UGT3A2: variants seen among roughly 807,000 people sequenced by gnomAD.
The protein encoded by UGT3A2 is UDP glycosyltransferase family 3 member A2, also known as UDP-glycosyltransferase 3A2.
UGT3A2 carries 32 observed loss-of-function variants against 39.8 expected under a neutral mutation model. The observed-to-expected ratio is 0.80, with a 90% confidence interval of 0.61 to 1.08. The LOEUF (loss-of-function observed/expected upper bound fraction) is 1.08, where lower values mean the gene tolerates loss of function less well. Ranked by LOEUF, UGT3A2 falls within the 50% of genes least tolerant of loss-of-function variation. UGT3A2 has a pLI of 0.00. For synonymous variants in UGT3A2, 241 were observed against 230.7 expected (o/e 1.04, Z -0.40); for missense variants, 611 against 637.1 (o/e 0.96, Z 0.44).
intron 4 of UGT3A2, among the ~76,000 whole-genome samples, chr5:36,041,962 C>T (rs1045815096): frequency 6.6e-6 from 1 of 151,910 alleles, no homozygotes; most frequent in East Asian, 1.9e-4. Flanking sequence ...CTTTCAGACA[C>T]GGAATTCAAA....
At position 36,035,086 on chromosome 5, in the gene UGT3A2, C is replaced by G. The variant is rs1220744514; in HGVS notation, c.*612G>C. ...AGGAAATCTGGAAACCTACAGTCTC[C>G]AAGCCTGCTCAGCCAAGAAGGAGCT... On this transcript the variant is annotated 3_prime_UTR_variant, in exon 7 of 7. Coordinates refer to ENST00000282507, the MANE Select transcript of UGT3A2 (RefSeq NM_174914.4). The G allele has an allele frequency of 6.5e-6, 1 of 153,774 alleles. No homozygotes were observed. Among genetic ancestry groups the G allele is most frequent in the Non-Finnish European group, 1.4e-5 (1 of 69,052 alleles). 9.5% of individuals were successfully genotyped at this position (153,774 alleles called of 1,614,324 possible). A position where few individuals can be genotyped will look rare whatever the true frequency, so the allele number is the denominator to read the frequency against.
intron 2 of UGT3A2, among the ~76,000 whole-genome samples, chr5:36,060,404 G>A (rs901644317): frequency 1.3e-5 from 2 of 152,130 alleles, no homozygotes; most frequent in South Asian, 2.1e-4. Context: ...AAGGAATGCT[G>A]AGGGCAGTCA....
At chr5:36,054,186 G>A (rs148173882) in intron 2 of UGT3A2, among the ~76,000 whole-genome samples, 83 of 152,274 alleles carry the variant, frequency 5.5e-4, no homozygotes, top group Admixed American at 3.5e-3. Context: ...CATTTAAACT[G>A]GATTCACCTG....
At chr5:36,066,578 C>CGCAA in intron 1 of UGT3A2, 118 bp downstream of exon 1, 1 of 1,559,734 alleles carries the variant, frequency 6.4e-7, no homozygotes, top group Non-Finnish European at 8.8e-7. Context: ...CAGCCGGGTC[C>CGCAA]GCAAGCCCAG....
intron 2 of UGT3A2, 123 bp from the exon 3 acceptor site, chr5:36,052,107 A>G (rs1561494411): frequency 6.2e-6 from 4 of 646,272 alleles, no homozygotes; most frequent in South Asian, 2.2e-5. Flanking sequence ...TGCTTCAAGT[A>G]TTTTTTAATG....
chr5:36,063,440 G>A (rs182930547), intron 2 of UGT3A2, among the ~76,000 whole-genome samples: 254 of 152,210 alleles, frequency 1.7e-3, no homozygotes, highest in African/African-American at 6.0e-3. Context: ...GCACAAACTC[G>A]TGGGCAGCCA....
rs549327741 is a variant in UGT3A2, at chr5:36,058,250, C to A, written c.196+5999G>T. ...ATGAATGAACCTTGAAGATATTATG[C>A]TAAATAAAGCAAGCCAGACACAAAA... On this transcript the variant is annotated intron_variant, in intron 2 of 6. Transcript: ENST00000282507. Among the ~76,000 whole-genome samples, 11 of 152,186 alleles carry A rather than the reference C, an allele frequency of 7.2e-5. No homozygotes were observed. In the East Asian group the frequency reaches 2.1e-3, roughly 29 times the overall value.
Position 36,051,999 on chromosome 5 carries a change from A to G in UGT3A2, c.197-15T>C, listed in dbSNP as rs746233387. On this transcript the variant is annotated splice_polypyrimidine_tract_variant and intron_variant, in intron 2 of 6. Transcript: ENST00000282507. ...CTTTTTAAAATCTAAGAAAACAGCAACGGGTTAAAAAAAAAGTTAAATATG... is the reference window on the plus strand; with the variant it reads ...CTTTTTAAAATCTAAGAAAACAGCAGCGGGTTAAAAAAAAAGTTAAATATG... The G allele has an allele frequency of 6.6e-7, 1 of 1,524,494 alleles. No individual in the cohort carries two copies. The highest frequency in any genetic ancestry group is 8.8e-7 in the Non-Finnish European group (1 of 1,132,122). 94.4% of individuals were successfully genotyped at this position (1,524,494 alleles called of 1,614,324 possible).
chr5:36,060,196 C>T (rs1353711115), intron 2 of UGT3A2, among the ~76,000 whole-genome samples: 2 of 152,226 alleles, frequency 1.3e-5, no homozygotes, highest in African/African-American at 2.4e-5. Context: ...GACCACCAAC[C>T]AGCAATTGAG....
In UGT3A2 at chr5:36,055,800, T is replaced by C. The variant is rs934371373; in HGVS notation, c.197-3816A>G. Reference sequence around the variant, plus strand: ...TTTCCTTTTCATTTCAACCTGTTTATTTTGAACAAGAATAAATATCCTTTC... The same window carrying C: ...TTTCCTTTTCATTTCAACCTGTTTACTTTGAACAAGAATAAATATCCTTTC... On this transcript the variant is annotated intron_variant, in intron 2 of 6. Transcript: ENST00000282507. Among the ~76,000 whole-genome samples, 17 of 152,248 alleles carry C rather than the reference T, an allele frequency of 1.1e-4. 1 individual carries two copies. Among genetic ancestry groups the C allele is most frequent in the African/African-American group, 3.6e-4 (15 of 41,468 alleles).
intron 4 of UGT3A2, among the ~76,000 whole-genome samples, chr5:36,041,193 C>T (rs1480196968): frequency 6.6e-6 from 1 of 151,926 alleles, no homozygotes; most frequent in South Asian, 2.1e-4. Flanking sequence ...TGGCCATGGG[C>T]GAGACTCCTG....
chr5:36,047,812 A>G (rs1434329672), intron 4 of UGT3A2, among the ~76,000 whole-genome samples: 1 of 152,120 alleles, frequency 6.6e-6, no homozygotes, highest in African/African-American at 2.4e-5. Flanking sequence ...TACTCATGCA[A>G]TTGAACCTTC....
At position 36,051,557 on chromosome 5, in the gene UGT3A2, T is replaced by C. The variant is rs78118143; in HGVS notation, c.311+313A>G. Reference sequence around the variant, plus strand: ...ATAGGCAATTGTTGTAGGTGAAGTGTTGCAAGGAAGTCCCAGAAGAAACAA... The same window carrying C: ...ATAGGCAATTGTTGTAGGTGAAGTGCTGCAAGGAAGTCCCAGAAGAAACAA... On this transcript the variant is annotated intron_variant, in intron 3 of 6. Coordinates refer to ENST00000282507, the MANE Select transcript of UGT3A2 (RefSeq NM_174914.4). Among the ~76,000 whole-genome samples, 229 of 152,300 alleles carry C rather than the reference T, an allele frequency of 1.5e-3. 1 individual carries two copies. The highest frequency in any genetic ancestry group is 5.4e-3 in the African/African-American group (225 of 41,526).
At chr5:36,038,322 C>T (rs1443784704) in intron 5 of UGT3A2, among the ~76,000 whole-genome samples, 1 of 152,218 alleles carries the variant, frequency 6.6e-6, no homozygotes, top group Non-Finnish European at 1.5e-5. Flanking sequence ...TTCCTTCTCT[C>T]TGTCCTCCCT....
chr5:36,036,056 C>A, intron 6 of UGT3A2, 82 bp from the exon 7 acceptor site: 6 of 1,510,268 alleles, frequency 4.0e-6, no homozygotes, highest in East Asian at 2.3e-5. Context: ...TATGATGCAC[C>A]AAAGACTGAG....
intron 4 of UGT3A2, among the ~76,000 whole-genome samples, chr5:36,047,960 C>G (rs908514674): frequency 1.3e-5 from 2 of 152,170 alleles, no homozygotes; most frequent in African/African-American, 2.4e-5. Context: ...CTTCCTGCCA[C>G]AAATGCAAAG....
At chr5:36,036,081 TG>T in intron 6 of UGT3A2, 107 bp from the exon 7 acceptor site, 1 of 1,402,484 alleles carries the variant, frequency 7.1e-7, no homozygotes, top group Non-Finnish European at 9.6e-7. Context: ...AAGGAAATTC[TG>T]TTGGCTTTGC....
intron 2 of UGT3A2, among the ~76,000 whole-genome samples, chr5:36,058,428 C>G (rs1214696505): frequency 6.6e-6 from 1 of 152,162 alleles, no homozygotes; most frequent in African/African-American, 2.4e-5. Flanking sequence ...CAGGATAGCA[C>G]TGGAGACTAT....
At chr5:36,066,416 T>C (rs1742878912) in intron 1 of UGT3A2, among the ~76,000 whole-genome samples, 1 of 152,126 alleles carries the variant, frequency 6.6e-6, no homozygotes, top group East Asian at 1.9e-4. Context: ...GGGATGAGTC[T>C]CAAATTTCTG....
Sources: allele counts gnomAD v4.1 joint callset (sites outside exome capture counted in the v4.1 genomes callset), GRCh38; gene constraint gnomAD v4.1.1; transcripts MANE v1.5; gene names NCBI Gene and HGNC (gene_info 2026-07-23, HGNC 2026-07-21).